Variants in C12orf50 observed in about 807,000 individuals in gnomAD.
C12orf50 encodes the protein uncharacterized protein C12orf50.
Under a neutral mutation model 61.6 loss-of-function variants are expected in C12orf50, and 35 were observed. The observed-to-expected ratio is 0.57, with a 90% CI of 0.43 to 0.75. The LOEUF is 0.75. Among genes scored for constraint, C12orf50 ranks in the 30% least tolerant of loss-of-function variants. C12orf50 has a pLI of 0.00. For synonymous variants in C12orf50, 178 were observed against 161.5 expected (o/e 1.10, Z -0.77); for missense variants, 475 against 488.5 (o/e 0.97, Z 0.26).
intron 6 of C12orf50, among the ~76,000 whole-genome samples, chr12:87,995,558 C>T (rs889959572): frequency 6.6e-6 from 1 of 152,092 alleles, no homozygotes; most frequent in Non-Finnish European, 1.5e-5. Context: ...TAGGAATTAA[C>T]CAAAACTATT....
chr12:87,996,506 A>G lies in C12orf50; in HGVS notation c.368-19T>C. The G allele has an allele frequency of 6.3e-7, 1 of 1,590,420 alleles. No individual in the cohort carries two copies. Among genetic ancestry groups the G allele is most frequent in the Non-Finnish European group, 8.6e-7 (1 of 1,158,976 alleles). On this transcript the variant is annotated intron_variant, in intron 5 of 12. Transcript: ENST00000298699. ...TATTCCCCTAATCAACCATAAGAAA[A>G]GTAATGGTTAGTATATTTATCACAT...
chr12:88,020,360 C>A (rs1400264138), intron 3 of C12orf50, among the ~76,000 whole-genome samples: 1 of 152,088 alleles, frequency 6.6e-6, no homozygotes, highest in African/African-American at 2.4e-5. Flanking sequence ...ATCTACCAAG[C>A]AAATGGAAAA....
intron 3 of C12orf50, among the ~76,000 whole-genome samples, chr12:88,021,183 A>T (rs2032502941): frequency 6.6e-6 from 1 of 152,182 alleles, no homozygotes; most frequent in Non-Finnish European, 1.5e-5. Flanking sequence ...TACCAAAATT[A>T]GGGCTGAACT....
At chr12:87,980,624 C>T (rs28707358) in intron 12 of C12orf50, among the ~76,000 whole-genome samples, 4 of 152,110 alleles carry the variant, frequency 2.6e-5, no homozygotes, top group Non-Finnish European at 4.4e-5. Flanking sequence ...ATGAACAGAA[C>T]GAAGGCTCCA....
At chr12:88,014,804 C>T (rs1017895409) in intron 3 of C12orf50, among the ~76,000 whole-genome samples, 1 of 152,178 alleles carries the variant, frequency 6.6e-6, no homozygotes, top group Admixed American at 6.5e-5. Context: ...AGCGCTGCCA[C>T]ACGTAATACA....
chr12:87,994,791 T>A, intron 6 of C12orf50, 48 bp from the exon 7 acceptor site: 1 of 1,195,572 alleles, frequency 8.4e-7, no homozygotes, highest in Non-Finnish European at 1.2e-6. Context: ...ATTAGATGCT[T>A]AAATAAGAAA....
intron 4 of C12orf50, among the ~76,000 whole-genome samples, chr12:87,997,834 C>CAAA (rs1209970291): frequency 6.6e-6 from 1 of 152,090 alleles, no homozygotes; most frequent in Non-Finnish European, 1.5e-5. Flanking sequence ...TATCGTACAA[C>CAAA]AAAAACTTTC....
At chr12:88,017,341 C>T (rs1393147362) in intron 3 of C12orf50, among the ~76,000 whole-genome samples, 1 of 152,224 alleles carries the variant, frequency 6.6e-6, no homozygotes. Flanking sequence ...TGCTGCCATA[C>T]ATGTAAGATG....
At chr12:88,029,108 C>T (rs1486232445) in intron 1 of C12orf50, 4 of 1,284,988 alleles carry the variant, frequency 3.1e-6, no homozygotes, top group Non-Finnish European at 3.0e-6. Context: ...CAGTCATTCC[C>T]AACTTCTGCC....
chr12:87,991,976 G>A (rs1424192254), intron 7 of C12orf50, among the ~76,000 whole-genome samples: 1 of 152,146 alleles, frequency 6.6e-6, no homozygotes, highest in Non-Finnish European at 1.5e-5. Context: ...ATTCCTAGCT[G>A]AGGTCTAACA....
intron 1 of C12orf50, chr12:88,028,020 C>T (rs1257059527): frequency 6.6e-6 from 1 of 152,194 alleles, no homozygotes; most frequent in Admixed American, 6.5e-5. Flanking sequence ...TAATACTTAA[C>T]TCATACTCTC....
chr12:87,986,069 G>A lies in C12orf50; in HGVS notation c.923-16C>T, dbSNP rs776740849. On this transcript the variant is annotated splice_polypyrimidine_tract_variant and intron_variant, in intron 10 of 12. Transcript: ENST00000298699. ...GCCTGTACTGCTGTAAAGAAAGGTG[G>A]GAGGGAGTGAGGAATAAAACAGGCT... 2 of 1,610,466 alleles carry A rather than the reference G, an allele frequency of 1.2e-6. No individual in the cohort carries two copies. Among genetic ancestry groups the A allele is most frequent in the East Asian group, 4.5e-5 (2 of 44,858 alleles).
chr12:87,984,634 C>T (rs2030707862), intron 11 of C12orf50: 1 of 152,178 alleles, frequency 6.6e-6, no homozygotes, highest in African/African-American at 2.4e-5. Context: ...GACATATCTA[C>T]ATTTCTGCTA....
At chr12:88,028,190 T>C (rs772523298) in intron 1 of C12orf50, among the ~76,000 whole-genome samples, 5 of 152,226 alleles carry the variant, frequency 3.3e-5, no homozygotes, top group Non-Finnish European at 5.9e-5. Flanking sequence ...TGCTAAGTAC[T>C]TGGGGATACA....
intron 6 of C12orf50, 37 bp downstream of exon 6, chr12:87,996,337 T>C: frequency 7.4e-7 from 1 of 1,352,456 alleles, no homozygotes; most frequent in Non-Finnish European, 1.1e-6. Flanking sequence ...AAGTATATGT[T>C]ATAGATCACT....
intron 3 of C12orf50, among the ~76,000 whole-genome samples, chr12:88,006,695 T>A (rs2031898714): frequency 6.6e-6 from 1 of 152,156 alleles, no homozygotes; most frequent in African/African-American, 2.4e-5. Flanking sequence ...GAAAACAAGA[T>A]TCAGGCCTGA....
intron 3 of C12orf50, among the ~76,000 whole-genome samples, chr12:87,999,239 C>T (rs2031550649): frequency 6.6e-6 from 1 of 152,074 alleles, no homozygotes; most frequent in African/African-American, 2.4e-5. Flanking sequence ...GCCTGGGCAA[C>T]ATGGCTAAAC....
At chr12:88,020,514 C>A (rs1300064601) in intron 3 of C12orf50, among the ~76,000 whole-genome samples, 2 of 152,100 alleles carry the variant, frequency 1.3e-5, no homozygotes, top group Non-Finnish European at 2.9e-5. Context: ...ACACATCCAA[C>A]ACAGGAGCAC....
intron 3 of C12orf50, among the ~76,000 whole-genome samples, chr12:88,018,952 C>T (rs2032412345): frequency 6.6e-6 from 1 of 152,122 alleles, no homozygotes; most frequent in African/African-American, 2.4e-5. Flanking sequence ...AAGGGACTTG[C>T]CTTGTCTCAG....
Sources: gnomAD v4.1 joint callset for allele counts (sites outside exome capture counted in the v4.1 genomes callset) on GRCh38, gnomAD v4.1.1 for gene constraint, MANE v1.5 for transcripts, NCBI Gene and HGNC (gene_info 2026-07-23, HGNC 2026-07-21) for gene names.